The following MCUB variants were observed in gnomAD, a reference collection of about 807,000 sequenced individuals.
MCUB encodes calcium uniporter regulatory subunit MCUb, mitochondrial.
A neutral mutation model predicts 41.4 loss-of-function variants in MCUB; 46 were observed. The ratio of observed to expected loss-of-function variants is 1.11; its 90% CI spans 0.88 to 1.42. The LOEUF is 1.42. Ranked by LOEUF, MCUB falls within the 40% of genes most tolerant of loss-of-function variation. The probability of loss-of-function intolerance (pLI) is 0.00; values close to 1 mark genes in which losing one functional copy is unlikely to be tolerated. For missense variants in MCUB, 403 were observed against 404.9 expected, an observed-to-expected ratio of 1.00 and a Z score of 0.04; for synonymous variants, 148 against 148.2, an observed-to-expected ratio of 1.00 and a Z score of 0.01.
chr4:109,625,052 A>G (rs775003890), intron 1 of MCUB, among the ~76,000 whole-genome samples: 14 of 152,182 alleles, frequency 9.2e-5, no homozygotes, highest in Non-Finnish European at 1.8e-4. Flanking sequence ...AGGCAGGAGA[A>G]TCATTTGAAC....
At chr4:109,664,489 G>A (rs767598) in intron 4 of MCUB, 95 bp downstream of exon 4, 379,418 of 593,068 alleles carry the variant, frequency 0.64, 122,398 homozygotes, top group South Asian at 0.69. Flanking sequence ...CAGTGACGTC[G>A]TCATAGCTCA....
At chr4:109,661,500 G>T (rs572766522) in intron 3 of MCUB, among the ~76,000 whole-genome samples, 1 of 152,142 alleles carries the variant, frequency 6.6e-6, no homozygotes, top group African/African-American at 2.4e-5. Flanking sequence ...TGTATGTCAG[G>T]CACTGTTCTA....
intron 1 of MCUB, among the ~76,000 whole-genome samples, chr4:109,612,137 C>G (rs1051650084): frequency 6.6e-6 from 1 of 152,130 alleles, no homozygotes; most frequent in Non-Finnish European, 1.5e-5. Context: ...AGTCCAACAT[C>G]AAGGTGCAGG....
chr4:109,676,485 A>G (rs1729579978), intron 4 of MCUB, among the ~76,000 whole-genome samples: 1 of 152,172 alleles, frequency 6.6e-6, no homozygotes, highest in African/African-American at 2.4e-5. Flanking sequence ...TGGACTTGCA[A>G]AGAACTTCTG....
intron 1 of MCUB, among the ~76,000 whole-genome samples, chr4:109,581,603 G>A: frequency 6.6e-6 from 1 of 152,134 alleles, no homozygotes; most frequent in East Asian, 1.9e-4. Flanking sequence ...GCAACCTACA[G>A]AATGGGAGAA....
In MCUB at chr4:109,631,008, T is replaced by C. The variant is rs185157265; in HGVS notation, c.100-28003T>C. Among the ~76,000 whole-genome samples, 346 of 152,336 alleles carry C rather than the reference T, an allele frequency of 2.3e-3. 5 individuals carry two copies. The highest frequency in any genetic ancestry group is 0.019 in the Admixed American group (291 of 15,302). ...TTCGCAGACCTGACAACATACAGAA[T>C]TCTTTTTGATTCTTTATATGATAGT... On this transcript the variant is annotated intron_variant, in intron 1 of 7. Transcript: ENST00000394650.
intron 4 of MCUB, among the ~76,000 whole-genome samples, chr4:109,667,769 T>A (rs930862291): frequency 4.0e-5 from 6 of 151,534 alleles, no homozygotes; most frequent in African/African-American, 1.5e-4. Flanking sequence ...GTTTATTCTT[T>A]CCTGTTATAT....
chr4:109,625,371 T>C (rs527796422), intron 1 of MCUB, among the ~76,000 whole-genome samples: 1 of 152,332 alleles, frequency 6.6e-6, no homozygotes, highest in South Asian at 2.1e-4. Context: ...TGCATTCACC[T>C]GTGTATGTTA....
intron 1 of MCUB, among the ~76,000 whole-genome samples, chr4:109,590,722 A>G (rs1476607619): frequency 6.6e-6 from 1 of 152,132 alleles, no homozygotes; most frequent in Non-Finnish European, 1.5e-5. Context: ...TGACCTCTAT[A>G]GAAGATGAGG....
intron 1 of MCUB, among the ~76,000 whole-genome samples, 193 bp downstream of exon 1, chr4:109,560,629 A>G (rs904763301): frequency 2.6e-5 from 4 of 152,214 alleles, no homozygotes; most frequent in Admixed American, 6.5e-5. Context: ...GCCTGGGCTG[A>G]GGTCAAGACT....
At chr4:109,611,345 G>T (rs1728003420) in intron 1 of MCUB, among the ~76,000 whole-genome samples, 1 of 152,184 alleles carries the variant, frequency 6.6e-6, no homozygotes, top group Admixed American at 6.5e-5. Context: ...CATCCTTTTG[G>T]ATTAGAGCAG....
At chr4:109,587,338 G>T (rs1579052015) in intron 1 of MCUB, among the ~76,000 whole-genome samples, 1 of 152,244 alleles carries the variant, frequency 6.6e-6, no homozygotes, top group Admixed American at 6.5e-5. Context: ...GGGCGAGAGT[G>T]TCCCGTTTTT....
intron 1 of MCUB, among the ~76,000 whole-genome samples, chr4:109,654,821 ACT>A (rs1455644892): frequency 6.6e-6 from 1 of 152,110 alleles, no homozygotes; most frequent in African/African-American, 2.4e-5. Flanking sequence ...CCCACAGAAC[ACT>A]CTGGCAGCAC....
intron 1 of MCUB, among the ~76,000 whole-genome samples, chr4:109,572,113 T>A (rs1203732097): frequency 6.6e-6 from 1 of 152,270 alleles, no homozygotes; most frequent in African/African-American, 2.4e-5. Flanking sequence ...TTTATTTCTC[T>A]CTGAAAAACT....
intron 4 of MCUB, among the ~76,000 whole-genome samples, chr4:109,670,894 C>G (rs573286359): frequency 6.6e-6 from 1 of 152,168 alleles, no homozygotes; most frequent in Admixed American, 6.5e-5. Context: ...ACCTATGGGA[C>G]TCCCTGGAAT....
chr4:109,606,777 A>G (rs1727881000), intron 1 of MCUB, among the ~76,000 whole-genome samples: 1 of 151,952 alleles, frequency 6.6e-6, no homozygotes, highest in Non-Finnish European at 1.5e-5. Context: ...ATGGAATTTC[A>G]CTCTTTTCAT....
intron 1 of MCUB, among the ~76,000 whole-genome samples, chr4:109,611,922 T>C (rs1420980882): frequency 6.6e-6 from 1 of 152,244 alleles, no homozygotes; most frequent in African/African-American, 2.4e-5. Flanking sequence ...GAACATTTTG[T>C]AACAGAATTT....
chr4:109,593,240 T>G (rs1727479446), intron 1 of MCUB, among the ~76,000 whole-genome samples: 1 of 152,154 alleles, frequency 6.6e-6, no homozygotes, highest in African/African-American at 2.4e-5. Context: ...TTTACGTAAT[T>G]TAAAAAAGAG....
intron 1 of MCUB, among the ~76,000 whole-genome samples, chr4:109,588,930 C>G (rs1486469731): frequency 6.6e-6 from 1 of 151,846 alleles, no homozygotes; most frequent in Non-Finnish European, 1.5e-5. Flanking sequence ...CCTGGTAAAC[C>G]ATTTTTGAAA....
Sources: gnomAD v4.1 joint callset for allele counts (sites outside exome capture counted in the v4.1 genomes callset) on GRCh38, gnomAD v4.1.1 for gene constraint, MANE v1.5 for transcripts, NCBI Gene and HGNC (gene_info 2026-07-23, HGNC 2026-07-21) for gene names.